Variants in EFL1 observed in about 807,000 individuals in gnomAD.
EFL1 encodes elongation factor-like GTPase 1.
EFL1 carries 76 observed loss-of-function variants against 126.7 expected under a neutral mutation model. The ratio of observed to expected loss-of-function variants is 0.60; its 90% confidence interval spans 0.50 to 0.73. EFL1 has a LOEUF of 0.73. Among genes scored for constraint, EFL1 ranks in the 30% least tolerant of loss-of-function variants. The probability of loss-of-function intolerance (pLI) is 0.00; values close to 1 mark genes in which losing one functional copy is unlikely to be tolerated. For missense variants in EFL1, 1,128 were observed against 1,343.2 expected (o/e 0.84, Z 2.50); for synonymous variants, 410 against 448.4 (o/e 0.91, Z 1.08).
chr15:82,188,746 C>T (rs2074327340), intron 15 of EFL1, among the ~76,000 whole-genome samples: 1 of 152,112 alleles, frequency 6.6e-6, no homozygotes, highest in Admixed American at 6.5e-5. Flanking sequence ...GTTGGCTTAA[C>T]CTGTTCACAT....
intron 15 of EFL1, among the ~76,000 whole-genome samples, chr15:82,207,246 C>T (rs145548566): frequency 1.3e-5 from 2 of 150,182 alleles, no homozygotes; most frequent in African/African-American, 2.4e-5. Context: ...AAAAAACTAA[C>T]CCTAATCTCA....
intron 19 of EFL1, among the ~76,000 whole-genome samples, chr15:82,137,925 G>A (rs1034672728): frequency 1.3e-5 from 2 of 152,112 alleles, no homozygotes; most frequent in African/African-American, 4.8e-5. Flanking sequence ...ATATGTTCAG[G>A]ACAGCTGGTC....
chr15:82,187,984 T>C (rs1398997908), intron 15 of EFL1, among the ~76,000 whole-genome samples: 2 of 152,128 alleles, frequency 1.3e-5, no homozygotes, highest in Non-Finnish European at 2.9e-5. Flanking sequence ...TGTATTTCAG[T>C]GCTACCTTAC....
chr15:82,191,006 T>C (rs955421109), intron 15 of EFL1, among the ~76,000 whole-genome samples: 3 of 152,022 alleles, frequency 2.0e-5, no homozygotes, highest in Non-Finnish European at 4.4e-5. Context: ...TTCCATCTTA[T>C]TGGTATCCCT....
intron 4 of EFL1, among the ~76,000 whole-genome samples, chr15:82,249,589 C>T (rs1196335777): frequency 6.6e-6 from 1 of 151,998 alleles, no homozygotes; most frequent in Non-Finnish European, 1.5e-5. Context: ...GCATTACATC[C>T]CCTTAGGATA....
At chr15:82,168,149 A>T (rs768083179) in intron 15 of EFL1, among the ~76,000 whole-genome samples, 25 of 152,186 alleles carry the variant, frequency 1.6e-4, no homozygotes, top group Non-Finnish European at 3.1e-4. Context: ...TTGGATACCA[A>T]AGCAGCTCAT....
intron 17 of EFL1, 150 bp from the exon 18 acceptor site, chr15:82,152,573 T>C (rs1242265503): frequency 1.4e-6 from 1 of 734,700 alleles, no homozygotes; most frequent in Admixed American, 3.4e-5. Flanking sequence ...TTACATTATA[T>C]AACATTCAAA....
rs1283095100 is a variant in EFL1 at position 82,163,911 on chromosome 15, T to TA, written c.1823dup (p.Pro609ThrfsTer15). 5.6e-6 allele frequency: 9 copies of TA among 1,614,054 alleles called. No homozygotes were observed. In the African/African-American group the frequency reaches 1.1e-4, roughly 19 times the overall value. ...TAGGAGTGGCTTCGAAGTTGAGTGG[T>TA]ATAAATGGTGGGCAGGATGGCAGGC... On this transcript the variant is annotated frameshift_variant, in exon 16 of 20. Coordinates refer to ENST00000268206, the MANE Select transcript of EFL1 (RefSeq NM_024580.6). LOFTEE classifies it high-confidence loss of function.
intron 19 of EFL1, among the ~76,000 whole-genome samples, chr15:82,133,340 A>G (rs2073680237): frequency 6.6e-6 from 1 of 152,164 alleles, no homozygotes; most frequent in African/African-American, 2.4e-5. Context: ...TGTTGTGAAG[A>G]CTGAAGAAGA....
Position 82,196,964 on chromosome 15 carries a change from AGAGATTGCAGTGAGCC to A in EFL1, c.1750+17737_1750+17752del, listed in dbSNP as rs769639258. ...GGAGAATCGTTTCAACCCAGGAGTCAGAGATTGCAGTGAGCCGAGATTGCACCATTGCACTCCAGCT... is the reference window on the plus strand; with the variant it reads ...GGAGAATCGTTTCAACCCAGGAGTCAGAGATTGCACCATTGCACTCCAGCT... On this transcript the variant is annotated intron_variant, in intron 15 of 19. Transcript: ENST00000268206. Among the ~76,000 whole-genome samples the A allele has an allele frequency of 3.2e-4, 48 of 152,124 alleles. 1 individual carries two copies. The highest frequency in any genetic ancestry group is 2.9e-4 in the Non-Finnish European group (20 of 67,994).
intron 15 of EFL1, among the ~76,000 whole-genome samples, chr15:82,185,175 G>C (rs943796694): frequency 2.8e-5 from 2 of 72,304 alleles, no homozygotes; most frequent in Non-Finnish European, 5.5e-5. Flanking sequence ...GTGGCTGTGT[G>C]TGTGTGTGTG....
At chr15:82,241,145 G>C (rs1596004739) in intron 5 of EFL1, 125 bp downstream of exon 5, 2 of 1,120,314 alleles carry the variant, frequency 1.8e-6, no homozygotes, top group East Asian at 2.4e-5. Context: ...TCACAGACTG[G>C]AACGTTACCA....
Position 82,230,831 on chromosome 15 carries a change from G to A in EFL1, c.855+17C>T. 1.3e-6 allele frequency: 2 copies of A among 1,599,764 alleles called. No homozygotes were observed. Among genetic ancestry groups the A allele is most frequent in the Non-Finnish European group, 1.7e-6 (2 of 1,174,516 alleles). On this transcript the variant is annotated intron_variant, in intron 8 of 19. Transcript: ENST00000268206. ...AAGAATATGACCAACAACCAAAAGG[G>A]ACATATACCACATTACCTGATCACC...
intron 4 of EFL1, among the ~76,000 whole-genome samples, chr15:82,251,290 T>C (rs973649675): frequency 8.5e-5 from 13 of 152,260 alleles, no homozygotes; most frequent in African/African-American, 2.6e-4. Flanking sequence ...CTCGATAAAA[T>C]AGAGTTCAGA....
At chr15:82,219,995 A>G (rs2074692936) in intron 13 of EFL1, 83 bp downstream of exon 13, 2 of 1,511,556 alleles carry the variant, frequency 1.3e-6, no homozygotes, top group East Asian at 2.3e-5. Flanking sequence ...AAGCTTAAAA[A>G]TCTCAAGAAC....
rs79806309 is a variant in EFL1, at chr15:82,156,144, A to G, written c.2030+1569T>C. Among the ~76,000 whole-genome samples the G allele has an allele frequency of 5.9e-3, 905 of 152,278 alleles. 19 individuals carry two copies. In the East Asian group the frequency reaches 0.089, roughly 15 times the overall value. On this transcript the variant is annotated intron_variant, in intron 17 of 19. Coordinates refer to ENST00000268206, the MANE Select transcript of EFL1 (RefSeq NM_024580.6). Reference sequence around the variant, plus strand: ...GGTCTTGAAGATATTCTCTTATACTATCTTCTAAACACTTCATGGTTTTGC... The same window carrying G: ...GGTCTTGAAGATATTCTCTTATACTGTCTTCTAAACACTTCATGGTTTTGC...
chr15:82,250,944 G>T (rs1269234744), intron 4 of EFL1, among the ~76,000 whole-genome samples: 3 of 152,186 alleles, frequency 2.0e-5, no homozygotes, highest in Admixed American at 6.5e-5. Context: ...GGGCGCGGTG[G>T]CTCCCGACTG....
At chr15:82,200,453 G>A (rs562255917) in intron 15 of EFL1, among the ~76,000 whole-genome samples, 14 of 152,228 alleles carry the variant, frequency 9.2e-5, no homozygotes, top group African/African-American at 3.4e-4. Flanking sequence ...GCAGCTTCTG[G>A]GGGGTAATCT....
rs72749552 is a variant in EFL1 at position 82,179,284 on chromosome 15, A to G, written c.1751-15300T>C. ...TGGAAGCAGTCAGGTCTCCAGACCCAGTACCTCATCAGGTAAACAAAATCA... is the reference window on the plus strand; with the variant it reads ...TGGAAGCAGTCAGGTCTCCAGACCCGGTACCTCATCAGGTAAACAAAATCA... On this transcript the variant is annotated intron_variant, in intron 15 of 19. Coordinates refer to ENST00000268206, the MANE Select transcript of EFL1 (RefSeq NM_024580.6). Among the ~76,000 whole-genome samples, 1,052 of 152,326 alleles carry G rather than the reference A, an allele frequency of 6.9e-3. 10 individuals carry two copies. The highest frequency in any genetic ancestry group is 8.2e-3 in the Non-Finnish European group (555 of 68,022).
Sources: gnomAD v4.1 joint callset for allele counts (sites outside exome capture counted in the v4.1 genomes callset) on GRCh38, gnomAD v4.1.1 for gene constraint, MANE v1.5 for transcripts, NCBI Gene and HGNC (gene_info 2026-07-23, HGNC 2026-07-21) for gene names.